The following PTPRQ variants were observed in gnomAD, a reference collection of about 807,000 sequenced individuals.
PTPRQ encodes the protein phosphatidylinositol phosphatase PTPRQ.
Under a neutral mutation model 246.0 loss-of-function variants are expected in PTPRQ, and 199 were observed. That is an observed-to-expected ratio of 0.81 (90% confidence interval 0.72 to 0.91). The LOEUF (loss-of-function observed/expected upper bound fraction) is 0.91. Among genes scored for constraint, PTPRQ ranks in the 40% least tolerant of loss-of-function variants. The pLI, the probability that PTPRQ is intolerant of heterozygous loss-of-function variation, is 0.00. For synonymous variants in PTPRQ, 869 were observed against 853.2 expected (o/e 1.02, Z -0.32); for missense variants, 2,624 against 2,528.4 (o/e 1.04, Z -0.81).
Position 80,635,035 on chromosome 12 carries a change from A to T in PTPRQ, c.5877A>T (p.Thr1959=). The T allele has an allele frequency of 6.4e-7, 1 of 1,551,308 alleles. No homozygotes were observed. Among genetic ancestry groups the T allele is most frequent in the African/African-American group, 1.4e-5 (1 of 73,132 alleles). Residue 1959 remains threonine, a synonymous_variant, in exon 35 of 45, where the codon ACA becomes ACT. Coordinates refer to ENST00000644991, the MANE Select transcript of PTPRQ (RefSeq NM_001145026.2). ...DTKLKLDQLI[T]VADLELKDER... ...AATTGAAGCTGGATCAGCTCATCACAGTGGCAGACCTGGAACTGAAGGACG... is the reference window on the plus strand; with the variant it reads ...AATTGAAGCTGGATCAGCTCATCACTGTGGCAGACCTGGAACTGAAGGACG...
chr12:80,476,017 T>A (rs11114470), intron 8 of PTPRQ, among the ~76,000 whole-genome samples: 1 of 151,580 alleles, frequency 6.6e-6, no homozygotes, highest in Non-Finnish European at 1.5e-5. Context: ...TTTAGTTGCC[T>A]GATTAATATG....
Position 80,478,054 on chromosome 12 carries a change from T to C in PTPRQ, c.1186+5803T>C, listed in dbSNP as rs537919226. On this transcript the variant is annotated intron_variant, in intron 8 of 44. Coordinates refer to ENST00000644991, the MANE Select transcript of PTPRQ (RefSeq NM_001145026.2). ...CAGCTCAAGGAGGCCTGCTTGCCTC[T>C]GTAGGCTCCACCTCTGGGGGCAGGG... Among the ~76,000 whole-genome samples, 415 of 152,342 alleles carry C rather than the reference T, an allele frequency of 2.7e-3. 4 individuals carry two copies. Among genetic ancestry groups the C allele is most frequent in the African/African-American group, 9.5e-3 (393 of 41,584 alleles).
chr12:80,534,983 G>A lies in PTPRQ; in HGVS notation c.2931G>A (p.Gly977=). 3 of 1,548,810 alleles carry A rather than the reference G, an allele frequency of 1.9e-6. No homozygotes were observed. The South Asian group carries it at 3.6e-5, about 19-fold the overall frequency. ...GGACACCTCCTTCAAAACCTAATGG[G>A]ATTATACAATATTACTCTGTTTATT... ...LFWTPPSKPN[G]IIQYYSVYYR... Residue 977 remains glycine, a synonymous_variant, in exon 19 of 45, where the codon GGG becomes GGA. Coordinates refer to ENST00000644991, the MANE Select transcript of PTPRQ (RefSeq NM_001145026.2).
At chr12:80,487,516 C>T (rs979468875) in intron 9 of PTPRQ, among the ~76,000 whole-genome samples, 2 of 152,088 alleles carry the variant, frequency 1.3e-5, no homozygotes, top group Non-Finnish European at 2.9e-5. Flanking sequence ...AACCATGGTC[C>T]AGAAGGCTTT....
chr12:80,502,136 C>T (rs1894816837), intron 14 of PTPRQ, among the ~76,000 whole-genome samples: 1 of 151,838 alleles, frequency 6.6e-6, no homozygotes, highest in South Asian at 2.1e-4. Context: ...TCTGAATAGG[C>T]AGAAGGAGTG....
At chr12:80,518,275 A>G (rs1215246836) in intron 17 of PTPRQ, among the ~76,000 whole-genome samples, 1 of 152,082 alleles carries the variant, frequency 6.6e-6, no homozygotes, top group African/African-American at 2.4e-5. Flanking sequence ...TGACATCTGT[A>G]TGTTATCTTT....
intron 26 of PTPRQ, among the ~76,000 whole-genome samples, chr12:80,590,372 A>G (rs1407239309): frequency 1.3e-5 from 2 of 152,130 alleles, no homozygotes; most frequent in Admixed American, 6.5e-5. Flanking sequence ...TTTCTTGCTT[A>G]AAACTATCCA....
At chr12:80,501,861 G>T (rs1403101663) in intron 14 of PTPRQ, among the ~76,000 whole-genome samples, 1 of 151,718 alleles carries the variant, frequency 6.6e-6, no homozygotes, top group Non-Finnish European at 1.5e-5. Context: ...AAGAAGGGAG[G>T]TCATTGGTGA....
intron 25 of PTPRQ, among the ~76,000 whole-genome samples, chr12:80,578,918 A>G (rs147929080): frequency 6.6e-6 from 1 of 152,312 alleles, no homozygotes; most frequent in African/African-American, 2.4e-5. Context: ...TTTGTTATAA[A>G]GAGCCAAATT....
intron 3 of PTPRQ, among the ~76,000 whole-genome samples, chr12:80,448,800 G>A (rs1158653619): frequency 1.1e-4 from 16 of 149,052 alleles, no homozygotes; most frequent in African/African-American, 4.1e-4. Flanking sequence ...TTGGTTCCAA[G>A]TCTTTGCTAT....
At chr12:80,554,296 C>T (rs1433260974) in intron 25 of PTPRQ, among the ~76,000 whole-genome samples, 1 of 152,142 alleles carries the variant, frequency 6.6e-6, no homozygotes, top group African/African-American at 2.4e-5. Flanking sequence ...TTATACTTTG[C>T]ATTCCTGTAT....
At chr12:80,530,279 C>T (rs796226596) in intron 17 of PTPRQ, among the ~76,000 whole-genome samples, 2 of 152,116 alleles carry the variant, frequency 1.3e-5, no homozygotes, top group African/African-American at 4.8e-5. Flanking sequence ...AGTTATTGTC[C>T]TTGTCCTTAA....
In PTPRQ at chr12:80,678,655, A is replaced by T. The variant is rs1349466645; in HGVS notation, c.6792A>T (p.Gly2264=). 1 of 1,550,518 alleles carries T rather than the reference A, an allele frequency of 6.4e-7. No homozygotes were observed. Among genetic ancestry groups the T allele is most frequent in the African/African-American group, 1.4e-5 (1 of 73,106 alleles). The change falls in exon 44 of 45, where the codon GGA becomes GGT. Residue 2264 remains glycine (G), a synonymous_variant. Coordinates refer to ENST00000644991, the MANE Select transcript of PTPRQ (RefSeq NM_001145026.2). ...TTCTGGATCTCTTATCAAATAAGGG[A>T]AGTAATCAGCCCATCTGTTTTGTTA... ...QCILDLLSNK[G]SNQPICFVNY... is the part of the protein sequence containing the mutation.
At chr12:80,618,862 C>T (rs921055621) in intron 30 of PTPRQ, among the ~76,000 whole-genome samples, 1 of 151,380 alleles carries the variant, frequency 6.6e-6, no homozygotes, top group African/African-American at 2.4e-5. Flanking sequence ...TTAGAAAAAG[C>T]AAACAGTGAG....
chr12:80,459,079 C>T (rs1318531440), intron 4 of PTPRQ, among the ~76,000 whole-genome samples: 4 of 151,926 alleles, frequency 2.6e-5, no homozygotes, highest in African/African-American at 9.7e-5. Context: ...TGTATTAGCC[C>T]AGTTATCCTA....
intron 3 of PTPRQ, among the ~76,000 whole-genome samples, chr12:80,455,815 G>A (rs1182553607): frequency 6.6e-6 from 1 of 151,766 alleles, no homozygotes; most frequent in Non-Finnish European, 1.5e-5. Flanking sequence ...TGGTCAGACT[G>A]GTCTCGAACT....
intron 34 of PTPRQ, among the ~76,000 whole-genome samples, chr12:80,634,470 G>A (rs528880514): frequency 6.6e-6 from 1 of 152,076 alleles, no homozygotes; most frequent in Non-Finnish European, 1.5e-5. Flanking sequence ...AAGATAATTT[G>A]AAAATAATTT....
At position 80,658,023 on chromosome 12, in the gene PTPRQ, G is replaced by A; in HGVS notation, c.6154G>A (p.Val2052Ile). 6.9e-7 allele frequency: 1 copy of A among 1,440,740 alleles called. No homozygotes were observed. The highest frequency in any genetic ancestry group is 9.1e-7 in the Non-Finnish European group (1 of 1,094,214). The allele number at this position is 1,440,740 out of a possible 1,614,324, so 89.2% of individuals were successfully genotyped here. A position where few individuals can be genotyped will look rare whatever the true frequency, so the allele number is the denominator to read the frequency against. Reference protein sequence around the residue: ...NRVKLIADASVPGSDYINASY... With the variant: ...NRVKLIADASIPGSDYINASY... ...AGTAAAGCTGATAGCTGACGCTAGT[G>A]TTCCAGGTTCGGATTATATTAATGC... Residue 2052 changes from valine (V) to isoleucine (I), a missense_variant, in exon 39 of 45, where the codon GTT becomes ATT. Physicochemically the swap from Val to Ile is conservative, Grantham distance 29. Transcript: ENST00000644991.
At position 80,659,990 on chromosome 12, in the gene PTPRQ, T is replaced by C. The variant is rs147771842; in HGVS notation, c.6192+1929T>C. On this transcript the variant is annotated intron_variant, in intron 39 of 44. Coordinates refer to ENST00000644991, the MANE Select transcript of PTPRQ (RefSeq NM_001145026.2). ...CAATGATACTGCAGTGGCCCTCACT[T>C]TCCACCTACGTATTCCTACAATCTT... Among the ~76,000 whole-genome samples the C allele has an allele frequency of 6.6e-5, 10 of 152,140 alleles. No individual in the cohort carries two copies. In the East Asian group the frequency reaches 1.9e-3, roughly 29 times the overall value.
Sources: gnomAD v4.1 joint callset for allele counts (sites outside exome capture counted in the v4.1 genomes callset) on GRCh38, gnomAD v4.1.1 for gene constraint, MANE v1.5 for transcripts, NCBI Gene and HGNC (gene_info 2026-07-23, HGNC 2026-07-21) for gene names.